The following MACROD2 variants were observed in gnomAD, a reference collection of about 807,000 sequenced individuals.
MACROD2 encodes the protein ADP-ribose glycohydrolase MACROD2.
A neutral mutation model predicts 70.4 loss-of-function variants in MACROD2; 36 were observed. The observed-to-expected ratio is 0.51, with a 90% CI of 0.39 to 0.68. The LOEUF is 0.68. MACROD2 is among the 30% of genes least tolerant of loss of function. The pLI is 0.00. For synonymous variants in MACROD2, 172 were observed against 178.8 expected (o/e 0.96, Z 0.30); for missense variants, 496 against 538.4 (o/e 0.92, Z 0.78).
chr20:15,206,721 GTTTTTTTTTT>G (rs56752104), intron 5 of MACROD2, among the ~76,000 whole-genome samples: 2 of 32,990 alleles, frequency 6.1e-5, no homozygotes, highest in Admixed American at 5.0e-4. Flanking sequence ...TATTATCTAT[GTTTTTTTTTT>G]TTTTTTTTTT....
intron 5 of MACROD2, among the ~76,000 whole-genome samples, chr20:14,901,449 T>C (rs977476710): frequency 1.4e-4 from 21 of 152,224 alleles, no homozygotes; most frequent in African/African-American, 4.8e-4. Flanking sequence ...AAGCAGACAG[T>C]ATTCTAAGTC....
intron 10 of MACROD2, among the ~76,000 whole-genome samples, chr20:15,916,816 A>G (rs73898601): frequency 0.015 from 2,215 of 152,240 alleles, 50 homozygotes; most frequent in African/African-American, 0.045. Context: ...CCTACACTAC[A>G]AGGGTAATCA....
intron 5 of MACROD2, among the ~76,000 whole-genome samples, chr20:15,194,909 G>C (rs1374874149): frequency 6.7e-6 from 1 of 149,956 alleles, no homozygotes; most frequent in Non-Finnish European, 1.5e-5. Flanking sequence ...TAAGAGTATA[G>C]GCAAATTATT....
intron 5 of MACROD2, among the ~76,000 whole-genome samples, chr20:14,844,978 T>G (rs1003271486): frequency 6.6e-6 from 1 of 152,222 alleles, no homozygotes; most frequent in Non-Finnish European, 1.5e-5. Context: ...TCCATGGCCT[T>G]AAATGCCTTC....
intron 5 of MACROD2, among the ~76,000 whole-genome samples, chr20:15,196,484 C>T (rs1258221371): frequency 6.6e-6 from 1 of 152,032 alleles, no homozygotes; most frequent in Non-Finnish European, 1.5e-5. Context: ...TGGTGAATGT[C>T]TTAGAGGACC....
At chr20:15,305,925 T>C (rs567750790) in intron 6 of MACROD2, among the ~76,000 whole-genome samples, 1 of 152,334 alleles carries the variant, frequency 6.6e-6, no homozygotes, top group East Asian at 1.9e-4. Context: ...AAATTCTATC[T>C]TTTGATTTGC....
At chr20:14,628,213 G>T (rs577681882) in intron 4 of MACROD2, among the ~76,000 whole-genome samples, 2 of 152,292 alleles carry the variant, frequency 1.3e-5, no homozygotes, top group East Asian at 1.9e-4. Flanking sequence ...GCAGAGAGCT[G>T]TTGGCATCTG....
chr20:14,738,419 C>T lies in MACROD2; in HGVS notation c.418+53460C>T, dbSNP rs1032773278. Among the ~76,000 whole-genome samples, 3 of 152,022 alleles carry T rather than the reference C, an allele frequency of 2.0e-5. No homozygotes were observed. In the East Asian group the frequency reaches 5.8e-4, roughly 29 times the overall value. The stretch of plus-strand genomic sequence containing the variant: ...TTTGAAACCGACACCTTCAATGTCT[C>T]CTACCCTATCTGAAACCAAAAAAGG... On this transcript the variant is annotated intron_variant, in intron 5 of 17. Coordinates refer to ENST00000684519, the MANE Select transcript of MACROD2 (RefSeq NM_001351661.2).
chr20:15,054,976 T>A (rs1225498852), intron 5 of MACROD2, among the ~76,000 whole-genome samples: 1 of 129,626 alleles, frequency 7.7e-6, no homozygotes, highest in Non-Finnish European at 1.6e-5. Flanking sequence ...TGAGATGGAG[T>A]TTCACTCTTG....
chr20:15,358,708 G>C (rs1480261556), intron 6 of MACROD2, among the ~76,000 whole-genome samples: 1 of 152,122 alleles, frequency 6.6e-6, no homozygotes, highest in African/African-American at 2.4e-5. Context: ...GGGCTAAGAA[G>C]TCCAAGATCA....
At chr20:15,584,457 G>A (rs529903383) in intron 8 of MACROD2, among the ~76,000 whole-genome samples, 3 of 152,164 alleles carry the variant, frequency 2.0e-5, no homozygotes, top group East Asian at 3.9e-4. Context: ...AAAATGAGAT[G>A]TAATCTCAAA....
chr20:14,243,705 G>A (rs868193583), intron 3 of MACROD2, among the ~76,000 whole-genome samples: 33 of 152,126 alleles, frequency 2.2e-4, no homozygotes, highest in African/African-American at 6.3e-4. Flanking sequence ...CCAATTCACC[G>A]CTTTCATGGG....
intron 3 of MACROD2, among the ~76,000 whole-genome samples, chr20:14,333,354 A>G (rs2122623077): frequency 6.6e-6 from 1 of 152,324 alleles, no homozygotes; most frequent in East Asian, 1.9e-4. Flanking sequence ...TGTAAAGTTA[A>G]ATCAAGCATC....
chr20:15,749,323 C>T (rs1363328670), intron 8 of MACROD2, among the ~76,000 whole-genome samples: 1 of 152,076 alleles, frequency 6.6e-6, no homozygotes, highest in Non-Finnish European at 1.5e-5. Context: ...TTCTCAATCA[C>T]TTGCCATCAC....
chr20:15,926,528 A>G (rs889911403), intron 10 of MACROD2, among the ~76,000 whole-genome samples: 1 of 152,174 alleles, frequency 6.6e-6, no homozygotes, highest in African/African-American at 2.4e-5. Context: ...AAGATGATGG[A>G]CAATTGAAGA....
chr20:15,614,318 T>C (rs546325035), intron 8 of MACROD2, among the ~76,000 whole-genome samples: 31 of 152,348 alleles, frequency 2.0e-4, no homozygotes, highest in African/African-American at 7.2e-4. Context: ...TACACCTTTG[T>C]TGATAATTTT....
intron 5 of MACROD2, among the ~76,000 whole-genome samples, chr20:15,050,492 G>A (rs968057958): frequency 6.8e-6 from 1 of 146,596 alleles, no homozygotes; most frequent in Admixed American, 6.8e-5. Flanking sequence ...ATTTACATTG[G>A]ATGTTTAACA....
intron 4 of MACROD2, among the ~76,000 whole-genome samples, chr20:14,648,972 A>G (rs1044287805): frequency 6.6e-6 from 1 of 152,180 alleles, no homozygotes; most frequent in Non-Finnish European, 1.5e-5. Context: ...TGCTACGTGC[A>G]ATAGGCCCAT....
At chr20:15,340,704 T>C (rs1392410896) in intron 6 of MACROD2, among the ~76,000 whole-genome samples, 1 of 152,138 alleles carries the variant, frequency 6.6e-6, no homozygotes. Flanking sequence ...AGTGCCTTTC[T>C]TCCCTGATTG....
Sources: gnomAD v4.1 joint callset for allele counts (sites outside exome capture counted in the v4.1 genomes callset) on GRCh38, gnomAD v4.1.1 for gene constraint, MANE v1.5 for transcripts, NCBI Gene and HGNC (gene_info 2026-07-23, HGNC 2026-07-21) for gene names.